Variants in ZNF774 observed in about 807,000 individuals in gnomAD.
The protein encoded by ZNF774 is zinc finger protein 774.
Under a neutral mutation model 11.1 loss-of-function variants are expected in ZNF774, and 14 were observed. The ratio of observed to expected loss-of-function variants is 1.26; its 90% CI spans 0.83 to 1.97. The LOEUF is 1.97. ZNF774 is among the 30% of genes most tolerant of loss of function. ZNF774 has a pLI of 0.00. For synonymous variants in ZNF774, 195 were observed against 212.6 expected, an observed-to-expected ratio of 0.92 and a Z score of 0.72; for missense variants, 599 against 587.0, an observed-to-expected ratio of 1.02 and a Z score of -0.21.
At chr15:90,359,142 G>A (rs1034534057) in intron 3 of ZNF774, among the ~76,000 whole-genome samples, 185 bp downstream of exon 3, 6 of 145,610 alleles carry the variant, frequency 4.1e-5, no homozygotes, top group African/African-American at 2.6e-5. Flanking sequence ...GCGCAATCTC[G>A]GCTCACTGCA....
chr15:90,359,310 G>A (rs1441651128), intron 3 of ZNF774, among the ~76,000 whole-genome samples: 1 of 150,544 alleles, frequency 6.6e-6, no homozygotes, highest in Non-Finnish European at 1.5e-5. Context: ...CTGACCTCAT[G>A]ATCCACCCGC....
intron 1 of ZNF774, among the ~76,000 whole-genome samples, chr15:90,353,346 G>C (rs1964199691): frequency 6.6e-6 from 1 of 151,358 alleles, no homozygotes; most frequent in Admixed American, 6.6e-5. Context: ...CAGAGAGATG[G>C]TTTTTAGATC....
intron 2 of ZNF774, chr15:90,355,202 A>T: frequency 4.6e-6 from 2 of 434,100 alleles, no homozygotes; most frequent in South Asian, 3.3e-5. Flanking sequence ...AGAGCTCCAG[A>T]CCTCTGTAAG....
At position 90,361,178 on chromosome 15, in the gene ZNF774, C is replaced by T. The variant is rs1310565237; in HGVS notation, c.1347C>T (p.His449=). 6.2e-7 allele frequency: 1 copy of T among 1,614,064 alleles called. No homozygotes were observed. The highest frequency in any genetic ancestry group is 8.5e-7 in the Non-Finnish European group (1 of 1,180,042). ...TFNQRSHFLT[H]QRTHTGEKPF... is the part of the protein sequence containing the mutation. The stretch of plus-strand genomic sequence containing the variant: ...ATCAGCGTTCCCATTTCCTCACACA[C>T]CAGAGAACGCATACAGGAGAAAAAC... Residue 449 remains histidine (H), a synonymous_variant, in exon 4 of 4, where the codon CAC becomes CAT. Coordinates refer to ENST00000354377, the MANE Select transcript of ZNF774 (RefSeq NM_001004309.3).
At chr15:90,357,896 A>ATTT (rs59624159) in intron 2 of ZNF774, among the ~76,000 whole-genome samples, 6 of 137,604 alleles carry the variant, frequency 4.4e-5, no homozygotes, top group African/African-American at 5.4e-5. Flanking sequence ...TCTTATCCCA[A>ATTT]TTTTTTTTTT....
chr15:90,352,527 G>A (rs980863459), intron 1 of ZNF774, 116 bp downstream of exon 1: 1 of 152,390 alleles, frequency 6.6e-6, no homozygotes, highest in Non-Finnish European at 1.5e-5. Flanking sequence ...TGGCCTTTGG[G>A]AGCCCCCGGG....
At chr15:90,359,134 G>A (rs1219367277) in intron 3 of ZNF774, among the ~76,000 whole-genome samples, 177 bp downstream of exon 3, 1 of 147,822 alleles carries the variant, frequency 6.8e-6, no homozygotes, top group Non-Finnish European at 1.5e-5. Context: ...CTGCAGTGGC[G>A]CAATCTCGGC....
Position 90,361,390 on chromosome 15 carries a change from T to G in ZNF774, c.*107T>G. The G allele has an allele frequency of 2.7e-6, 4 of 1,498,358 alleles. No homozygotes were observed. The East Asian group carries it at 9.1e-5, about 34-fold the overall frequency. 92.8% of individuals were successfully genotyped at this position (1,498,358 alleles called of 1,614,324 possible). ...GGCGTCAGTGGCTCAATTTGGGCCC[T>G]GATCTATTCTCCCTCTTTCTTGTCT... On this transcript the variant is annotated 3_prime_UTR_variant, in exon 4 of 4. Coordinates refer to ENST00000354377, the MANE Select transcript of ZNF774 (RefSeq NM_001004309.3).
At position 90,360,210 on chromosome 15, in the gene ZNF774, G is replaced by C. The variant is rs1457412382; in HGVS notation, c.379G>C (p.Glu127Gln). 1 of 1,614,096 alleles carries C rather than the reference G, an allele frequency of 6.2e-7. No homozygotes were observed. Among genetic ancestry groups the C allele is most frequent in the East Asian group, 2.2e-5 (1 of 44,904 alleles). ...LEGQHGTLPG[E>Q]GQLESFSQER... ...AGGGCAACATGGAACCCTTCCAGGA[G>C]AGGGCCAGCTGGAGTCCTTTTCACA... Residue 127 changes from glutamate to glutamine, a missense_variant, in exon 4 of 4, where the codon GAG (glutamate) becomes CAG (glutamine). Coordinates refer to ENST00000354377, the MANE Select transcript of ZNF774 (RefSeq NM_001004309.3).
chr15:90,358,660 T>C (rs980796978), intron 2 of ZNF774, among the ~76,000 whole-genome samples, 191 bp from the exon 3 acceptor site: 11 of 152,164 alleles, frequency 7.2e-5, no homozygotes, highest in South Asian at 2.1e-4. Context: ...AAGGGCTTTT[T>C]TTTCTTAACA....
rs758314582 is a variant in ZNF774, at chr15:90,360,214, G to A, written c.383G>A (p.Gly128Asp). The A allele has an allele frequency of 1.5e-5, 24 of 1,614,202 alleles. No individual in the cohort carries two copies. In the Admixed American group the frequency reaches 3.5e-4, roughly 24 times the overall value. Residue 128 changes from glycine to aspartate, a missense_variant, in exon 4 of 4, where the codon GGC (glycine) becomes GAC (aspartate). Coordinates refer to ENST00000354377, the MANE Select transcript of ZNF774 (RefSeq NM_001004309.3). ...CAACATGGAACCCTTCCAGGAGAGGGCCAGCTGGAGTCCTTTTCACAGGAG... is the reference window on the plus strand; with the variant it reads ...CAACATGGAACCCTTCCAGGAGAGGACCAGCTGGAGTCCTTTTCACAGGAG... Reference protein sequence around the residue: ...EGQHGTLPGEGQLESFSQERD... With the variant: ...EGQHGTLPGEDQLESFSQERD...
At chr15:90,359,141 C>T (rs1001996406) in intron 3 of ZNF774, among the ~76,000 whole-genome samples, 184 bp downstream of exon 3, 3 of 148,356 alleles carry the variant, frequency 2.0e-5, no homozygotes, top group African/African-American at 5.0e-5. Flanking sequence ...GGCGCAATCT[C>T]GGCTCACTGC....
rs1964329920 is a variant in ZNF774 at position 90,361,152 on chromosome 15, A to G, written c.1321A>G (p.Asn441Asp). 3 of 1,614,090 alleles carry G rather than the reference A, an allele frequency of 1.9e-6. No homozygotes were observed. The African/African-American group carries it at 4.0e-5, about 22-fold the overall frequency. Reference sequence around the variant, plus strand: ...ATGTCCTGAGTGTGGCAAGACCTTCAATCAGCGTTCCCATTTCCTCACACA... The same window carrying G: ...ATGTCCTGAGTGTGGCAAGACCTTCGATCAGCGTTCCCATTTCCTCACACA... ...YRCPECGKTF[N>D]QRSHFLTHQR... Residue 441 changes from asparagine to aspartate, a missense_variant, in exon 4 of 4, where the codon AAT (asparagine) becomes GAT (aspartate). Transcript: ENST00000354377.
At chr15:90,359,961 T>G (rs768319090) in intron 3 of ZNF774, 82 bp from the exon 4 acceptor site, 20 of 1,459,500 alleles carry the variant, frequency 1.4e-5, no homozygotes, top group Non-Finnish European at 1.8e-5. Flanking sequence ...GAAACAGGGA[T>G]TTTAATCTTT....
intron 1 of ZNF774, among the ~76,000 whole-genome samples, chr15:90,353,817 T>C (rs1038502576): frequency 1.3e-5 from 2 of 152,110 alleles, no homozygotes; most frequent in Admixed American, 6.6e-5. Flanking sequence ...GAGGCTGGTT[T>C]ATTGGAAACT....
Position 90,362,668 on chromosome 15 carries a change from C to A in ZNF774, c.*1385C>A. 7.6e-7 allele frequency: 1 copy of A among 1,321,962 alleles called. No homozygotes were observed. Among genetic ancestry groups the A allele is most frequent in the South Asian group, 1.3e-5 (1 of 79,682 alleles). 81.9% of individuals were successfully genotyped at this position (1,321,962 alleles called of 1,614,324 possible). On this transcript the variant is annotated 3_prime_UTR_variant, in exon 4 of 4. Coordinates refer to ENST00000354377, the MANE Select transcript of ZNF774 (RefSeq NM_001004309.3). ...TAAAGTATTTGAGTCCTGGCCCTGACGCTTAATTTGGCCAGACTTTCATCT... is the reference window on the plus strand; with the variant it reads ...TAAAGTATTTGAGTCCTGGCCCTGAAGCTTAATTTGGCCAGACTTTCATCT...
At chr15:90,352,973 CTTTTT>C (rs11431247) in intron 1 of ZNF774, among the ~76,000 whole-genome samples, 2 of 146,534 alleles carry the variant, frequency 1.4e-5, no homozygotes, top group Non-Finnish European at 3.0e-5. Context: ...ACTCAAAACT[CTTTTT>C]TTTTTTTAGA....
In ZNF774 at chr15:90,358,866, T is replaced by G. The variant is rs1160300805; in HGVS notation, c.120T>G (p.Ser40Arg). 6.2e-7 allele frequency: 1 copy of G among 1,613,074 alleles called. No homozygotes were observed. The highest frequency in any genetic ancestry group is 1.1e-5 in the South Asian group (1 of 91,066). ...TCCTGTGTAGAATTTCCAGGCCTAGTGTAATCTCCCAGCCGGAGCAGAAAG... is the reference window on the plus strand; with the variant it reads ...TCCTGTGTAGAATTTCCAGGCCTAGGGTAATCTCCCAGCCGGAGCAGAAAG... ...EWALKGISRP[S>R]VISQPEQKEE... Residue 40 changes from serine (S) to arginine (R), a missense_variant, in exon 3 of 4, where the codon AGT (serine) becomes AGG (arginine). Transcript: ENST00000354377.
At chr15:90,353,427 T>A (rs1399822130) in intron 1 of ZNF774, among the ~76,000 whole-genome samples, 1 of 91,986 alleles carries the variant, frequency 1.1e-5, no homozygotes, top group Non-Finnish European at 2.1e-5. Flanking sequence ...CCCCCAAAAG[T>A]GTGTGTGTGT....
Sources: gnomAD v4.1 joint callset for allele counts (sites outside exome capture counted in the v4.1 genomes callset) on GRCh38, gnomAD v4.1.1 for gene constraint, MANE v1.5 for transcripts, NCBI Gene and HGNC (gene_info 2026-07-23, HGNC 2026-07-21) for gene names.